Variants in OSBPL9 observed in about 807,000 individuals in gnomAD.
The protein encoded by OSBPL9 is oxysterol-binding protein-related protein 9.
Under a neutral mutation model 106.6 loss-of-function variants are expected in OSBPL9, and 40 were observed. The ratio of observed to expected loss-of-function variants is 0.38; its 90% CI spans 0.29 to 0.49. The LOEUF (loss-of-function observed/expected upper bound fraction) is 0.49. OSBPL9 is among the 20% of genes least tolerant of loss of function. The probability of loss-of-function intolerance (pLI) is 0.97; values close to 1 mark genes in which losing one functional copy is unlikely to be tolerated. For missense variants in OSBPL9, 609 were observed against 887.2 expected, an observed-to-expected ratio of 0.69 and a Z score of 3.98; for synonymous variants, 269 against 295.4, an observed-to-expected ratio of 0.91 and a Z score of 0.92.
At chr1:51,733,790 A>G (rs1393169844) in intron 4 of OSBPL9, among the ~76,000 whole-genome samples, 1 of 152,072 alleles carries the variant, frequency 6.6e-6, no homozygotes, top group Non-Finnish European at 1.5e-5. Flanking sequence ...CAAACAAAAA[A>G]AAAAGTGGGC....
chr1:51,692,766 ATCC>A (rs963991728), intron 3 of OSBPL9, among the ~76,000 whole-genome samples: 11 of 149,902 alleles, frequency 7.3e-5, no homozygotes, highest in Admixed American at 2.0e-4. Flanking sequence ...GGGCTTAGCA[ATCC>A]TCCTACCTTA....
At chr1:51,555,560 C>CT in the OSBPL9 span, among the ~76,000 whole-genome samples, 3 of 151,872 alleles carry the variant, frequency 2.0e-5, no homozygotes, top group Non-Finnish European at 4.4e-5. Flanking sequence ...ATTTAAGATT[C>CT]TTTTTTTATT....
intron 3 of OSBPL9, chr1:51,708,019 A>G: frequency 4.3e-6 from 1 of 231,018 alleles, no homozygotes; most frequent in Non-Finnish European, 9.0e-6. Context: ...CATGTAGACC[A>G]TGTAGTTGAG....
chr1:51,523,045 C>T, the OSBPL9 span, among the ~76,000 whole-genome samples: 1 of 151,822 alleles, frequency 6.6e-6, no homozygotes, highest in African/African-American at 2.4e-5. Context: ...TTGCATGAGC[C>T]CAGGAGTTCA....
At chr1:51,730,202 T>C in intron 4 of OSBPL9, 2 of 1,214,700 alleles carry the variant, frequency 1.6e-6, no homozygotes, top group Non-Finnish European at 2.1e-6. Flanking sequence ...GGGTGGAGGC[T>C]GAGGTCAGGG....
intron 8 of OSBPL9, among the ~76,000 whole-genome samples, chr1:51,750,591 A>G (rs1293418028): frequency 6.6e-6 from 1 of 152,046 alleles, no homozygotes; most frequent in African/African-American, 2.4e-5. Context: ...ATTTTTACGG[A>G]TTTTTTTCTG....
chr1:51,609,229 CT>C lies in OSBPL9; in HGVS notation c.-352-5071del, dbSNP rs1643968966. On this transcript the variant is annotated intron_variant, in intron 2 of 25. Coordinates refer to the OSBPL9 transcript ENST00000371714. ...TTAATCTTTTTTCCTGGTTTCTCTT[CT>C]TTTTCCTCTTCTTTAAATTTTGCTG... Among the ~76,000 whole-genome samples, 9 of 152,012 alleles carry C rather than the reference CT, an allele frequency of 5.9e-5. No homozygotes were observed. In the South Asian group the frequency reaches 1.9e-3, roughly 32 times the overall value.
At chr1:51,611,638 TC>T (rs1271734926) in intron 2 of OSBPL9, among the ~76,000 whole-genome samples, 2 of 152,144 alleles carry the variant, frequency 1.3e-5, no homozygotes, top group African/African-American at 4.8e-5. Context: ...GAAGGAAACT[TC>T]CTATGGAGAA....
intron 10 of OSBPL9, 45 bp downstream of exon 10, chr1:51,760,825 T>A (rs1407948777): frequency 6.3e-6 from 10 of 1,596,552 alleles, no homozygotes; most frequent in Admixed American, 1.7e-5. Flanking sequence ...GAGAAAAAAA[T>A]AATTTGTGTG....
chr1:51,786,200 G>A (rs1028540572), intron 21 of OSBPL9: 1 of 443,542 alleles, frequency 2.3e-6, no homozygotes. Context: ...TTAGGTATGT[G>A]GCGTATGTTT....
intron 3 of OSBPL9, among the ~76,000 whole-genome samples, chr1:51,682,769 A>G (rs1258179522): frequency 6.6e-6 from 1 of 152,126 alleles, no homozygotes; most frequent in Non-Finnish European, 1.5e-5. Flanking sequence ...AAAAAGAAAA[A>G]GAAAAGAAAA....
intron 4 of OSBPL9, among the ~76,000 whole-genome samples, chr1:51,737,212 G>C (rs1404160357): frequency 1.4e-4 from 22 of 151,990 alleles, no homozygotes; most frequent in Admixed American, 1.4e-3. Flanking sequence ...AGGTGTATCT[G>C]AGCAGCTTTA....
At chr1:51,537,688 G>A in the OSBPL9 span, among the ~76,000 whole-genome samples, 11 of 151,950 alleles carry the variant, frequency 7.2e-5, no homozygotes, top group East Asian at 9.7e-4. Flanking sequence ...AGGACTACAC[G>A]CCACTACACT....
At chr1:51,580,761 C>T (rs1042444010) in intron 1 of OSBPL9, among the ~76,000 whole-genome samples, 2 of 149,820 alleles carry the variant, frequency 1.3e-5, no homozygotes, top group Non-Finnish European at 3.0e-5. Flanking sequence ...CATTTTTCAA[C>T]GTAAAATAAT....
chr1:51,547,404 CAT>C, the OSBPL9 span, among the ~76,000 whole-genome samples: 3 of 152,148 alleles, frequency 2.0e-5, no homozygotes, highest in South Asian at 2.1e-4. Flanking sequence ...GCGATTAAAA[CAT>C]GATGTTATTT....
chr1:51,725,014 A>C (rs2148922249), intron 4 of OSBPL9: 1 of 152,062 alleles, frequency 6.6e-6, no homozygotes. Context: ...TCATTGTTTC[A>C]AATTTTTCTT....
intron 12 of OSBPL9, 140 bp downstream of exon 12, chr1:51,766,121 G>T: frequency 5.5e-6 from 5 of 911,530 alleles, no homozygotes; most frequent in Non-Finnish European, 7.9e-6. Context: ...CTTTTTAATA[G>T]AAGTTTTTTT....
At chr1:51,725,776 T>C (rs755334842) in intron 4 of OSBPL9, among the ~76,000 whole-genome samples, 2 of 152,176 alleles carry the variant, frequency 1.3e-5, no homozygotes, top group Non-Finnish European at 2.9e-5. Context: ...ATGACCCTTA[T>C]TGAGCTCCTG....
At chr1:51,652,999 A>G (rs1340738420) in intron 2 of OSBPL9, among the ~76,000 whole-genome samples, 3 of 152,170 alleles carry the variant, frequency 2.0e-5, no homozygotes, top group Non-Finnish European at 4.4e-5. Context: ...TAAACATATT[A>G]TTGCCCTTGT....
Sources: allele counts gnomAD v4.1 joint callset (sites outside exome capture counted in the v4.1 genomes callset), GRCh38; gene constraint gnomAD v4.1.1; transcripts MANE v1.5; gene names NCBI Gene and HGNC (gene_info 2026-07-23, HGNC 2026-07-21).